The following ADAMTS18 variants were observed in gnomAD, a reference collection of about 807,000 sequenced individuals.
ADAMTS18 encodes A disintegrin and metalloproteinase with thrombospondin motifs 18.
ADAMTS18 carries 157 observed loss-of-function variants against 165.9 expected under a neutral mutation model. That is an observed-to-expected ratio of 0.95 (90% CI 0.83 to 1.08). The LOEUF is 1.08. Among genes scored for constraint, ADAMTS18 ranks in the 50% least tolerant of loss-of-function variants. ADAMTS18 has a pLI of 0.00. For missense variants in ADAMTS18, 2,040 were observed against 1,534.0 expected (o/e 1.33, Z -5.51); for synonymous variants, 782 against 578.2 (o/e 1.35, Z -5.06).
chr16:77,304,542 GT>G (rs1402105979), intron 16 of ADAMTS18, among the ~76,000 whole-genome samples: 1 of 152,184 alleles, frequency 6.6e-6, no homozygotes, highest in African/African-American at 2.4e-5. Flanking sequence ...GTTACACTGT[GT>G]TTCCCACATC....
chr16:77,388,247 C>T (rs986251098), intron 3 of ADAMTS18, among the ~76,000 whole-genome samples: 6 of 152,182 alleles, frequency 3.9e-5, no homozygotes, highest in African/African-American at 1.4e-4. Context: ...TTATAGGTCC[C>T]TGCCACTGTG....
chr16:77,318,937 C>A (rs1211885377), intron 16 of ADAMTS18, among the ~76,000 whole-genome samples: 1 of 152,032 alleles, frequency 6.6e-6, no homozygotes, highest in Non-Finnish European at 1.5e-5. Flanking sequence ...AACAGTCAGC[C>A]CCATTTTACA....
intron 3 of ADAMTS18, among the ~76,000 whole-genome samples, chr16:77,408,859 T>C (rs531177959): frequency 4.2e-4 from 64 of 152,256 alleles, no homozygotes; most frequent in African/African-American, 1.5e-3. Context: ...TCACTCTCCA[T>C]GGTTTCAGTT....
chr16:77,364,389 G>C lies in ADAMTS18; in HGVS notation c.779-8C>G. 1.2e-6 allele frequency: 2 copies of C among 1,613,238 alleles called. No individual in the cohort carries two copies. Among genetic ancestry groups the C allele is most frequent in the Non-Finnish European group, 1.7e-6 (2 of 1,179,752 alleles). ...TGGGAGGCTTGGGAGCATCTACGAT[G>C]AACAGAAGAGCATTTGGAAGGGATA... is the stretch of plus-strand genomic sequence containing the variant. On this transcript the variant is annotated splice_polypyrimidine_tract_variant and splice_region_variant and intron_variant, in intron 4 of 22. Transcript: ENST00000282849.
intron 11 of ADAMTS18, 127 bp downstream of exon 11, chr16:77,341,577 T>C: frequency 1.3e-6 from 1 of 780,766 alleles, no homozygotes; most frequent in Admixed American, 2.1e-5. Context: ...TATAATGTTG[T>C]TAATATGAAG....
chr16:77,301,965 C>T (rs888629930), intron 16 of ADAMTS18, among the ~76,000 whole-genome samples: 1 of 145,586 alleles, frequency 6.9e-6, no homozygotes, highest in Non-Finnish European at 1.5e-5. Flanking sequence ...AAATCAAAGT[C>T]TTAGGAGTCT....
chr16:77,328,874 A>C (rs2056139934), intron 12 of ADAMTS18, among the ~76,000 whole-genome samples: 1 of 152,210 alleles, frequency 6.6e-6, no homozygotes, highest in South Asian at 2.1e-4. Flanking sequence ...TGAAGTGAGA[A>C]CCAGCTGACA....
chr16:77,399,222 G>C (rs1209416075), intron 3 of ADAMTS18, among the ~76,000 whole-genome samples: 1 of 152,164 alleles, frequency 6.6e-6, no homozygotes, highest in African/African-American at 2.4e-5. Flanking sequence ...GCTGTCTTTG[G>C]TCTGAAACTG....
intron 3 of ADAMTS18, among the ~76,000 whole-genome samples, chr16:77,421,882 T>C (rs1198029699): frequency 6.6e-6 from 1 of 152,044 alleles, no homozygotes; most frequent in South Asian, 2.1e-4. Context: ...AGAAAATAAA[T>C]ATGCAGTAAT....
rs143538903 is a variant in ADAMTS18 at position 77,424,264 on chromosome 16, T to C, written c.495+7031A>G. Among the ~76,000 whole-genome samples, 1,144 of 151,532 alleles carry C rather than the reference T, an allele frequency of 7.5e-3. 17 individuals carry two copies. The highest frequency in any genetic ancestry group is 0.026 in the African/African-American group (1,080 of 41,284). ...CAGTCAGATCACCTAAGGTTGGGAG[T>C]TCAAGACCAGCCTGACCAACATGGA... On this transcript the variant is annotated intron_variant, in intron 3 of 22. Coordinates refer to ENST00000282849, the MANE Select transcript of ADAMTS18 (RefSeq NM_199355.4).
At chr16:77,284,121 T>TTA in intron 22 of ADAMTS18, 50 bp from the exon 23 acceptor site, 6 of 1,321,224 alleles carry the variant, frequency 4.5e-6, no homozygotes, top group Non-Finnish European at 6.5e-6. Flanking sequence ...TCTATCCTTT[T>TTA]TCTTTTTTTT....
At chr16:77,330,733 A>G (rs1040119574) in intron 12 of ADAMTS18, among the ~76,000 whole-genome samples, 2 of 152,220 alleles carry the variant, frequency 1.3e-5, no homozygotes, top group Non-Finnish European at 2.9e-5. Context: ...ACAAAAAAAA[A>G]CTGGTAAATC....
intron 3 of ADAMTS18, among the ~76,000 whole-genome samples, chr16:77,402,070 C>T (rs1057273140): frequency 2.6e-5 from 4 of 152,152 alleles, no homozygotes; most frequent in South Asian, 2.1e-4. Flanking sequence ...CATAGTGGCA[C>T]GAGCCAATCC....
At chr16:77,378,429 A>C (rs1472835032) in intron 3 of ADAMTS18, among the ~76,000 whole-genome samples, 1 of 152,112 alleles carries the variant, frequency 6.6e-6, no homozygotes, top group Admixed American at 6.6e-5. Flanking sequence ...ATGTGCTAAA[A>C]ACAGGCTGGG....
intron 8 of ADAMTS18, among the ~76,000 whole-genome samples, chr16:77,358,946 T>A (rs2056671098): frequency 6.6e-6 from 1 of 152,174 alleles, no homozygotes; most frequent in African/African-American, 2.4e-5. Flanking sequence ...AAAGTTTTTT[T>A]AAAAAGCAGC....
rs181787619 is a variant in ADAMTS18, at chr16:77,433,078, T to C, written c.178+1340A>G. The stretch of plus-strand genomic sequence containing the variant: ...TAACCTTGAAAATCTGAGCCAGACA[T>C]ACAATATTTTTCTTCTCTTAAAAAT... On this transcript the variant is annotated intron_variant, in intron 2 of 22. Transcript: ENST00000282849. Among the ~76,000 whole-genome samples, 16 of 152,332 alleles carry C rather than the reference T, an allele frequency of 1.1e-4. No homozygotes were observed. The East Asian group carries it at 2.9e-3, about 28-fold the overall frequency.
intron 3 of ADAMTS18, among the ~76,000 whole-genome samples, chr16:77,383,110 C>T (rs546659540): frequency 6.6e-6 from 1 of 152,290 alleles, no homozygotes; most frequent in Non-Finnish European, 1.5e-5. Flanking sequence ...TCTGTCCCTC[C>T]TGTGTTCTCA....
At chr16:77,367,781 T>A in intron 3 of ADAMTS18, 58 bp from the exon 4 acceptor site, 2 of 1,611,208 alleles carry the variant, frequency 1.2e-6, no homozygotes, top group South Asian at 1.1e-5. Context: ...GTGCCAAGGG[T>A]TGGTTTTCAA....
At chr16:77,346,462 C>A (rs2056478142) in intron 10 of ADAMTS18, among the ~76,000 whole-genome samples, 1 of 151,778 alleles carries the variant, frequency 6.6e-6, no homozygotes, top group South Asian at 2.1e-4. Context: ...TAAGAGCTTT[C>A]AAGAATTAAA....
Sources: allele counts gnomAD v4.1 joint callset (sites outside exome capture counted in the v4.1 genomes callset), GRCh38; gene constraint gnomAD v4.1.1; transcripts MANE v1.5; gene names NCBI Gene and HGNC (gene_info 2026-07-23, HGNC 2026-07-21).